The following MYO3A variants were observed in gnomAD, a reference collection of about 807,000 sequenced individuals.
The protein encoded by MYO3A is myosin IIIA, also known as myosin-IIIa.
MYO3A carries 180 observed loss-of-function variants against 192.7 expected under a neutral mutation model. The observed-to-expected ratio is 0.93, with a 90% CI of 0.83 to 1.06. The LOEUF is 1.06. Among genes scored for constraint, MYO3A ranks in the 50% least tolerant of loss-of-function variants. The pLI is 0.00. For synonymous variants in MYO3A, 628 were observed against 645.3 expected (o/e 0.97, Z 0.41); for missense variants, 1,896 against 1,905.0 (o/e 1.00, Z 0.09).
At chr10:26,017,380 A>T (rs1243575194) in intron 7 of MYO3A, among the ~76,000 whole-genome samples, 4 of 152,108 alleles carry the variant, frequency 2.6e-5, no homozygotes, top group Non-Finnish European at 5.9e-5. Context: ...GGTTGCAGAT[A>T]AACTGCTAAA....
At chr10:26,143,687 C>A in intron 21 of MYO3A, 86 bp downstream of exon 21, 1 of 1,521,298 alleles carries the variant, frequency 6.6e-7, no homozygotes, top group Non-Finnish European at 9.1e-7. Flanking sequence ...TTTAAATTAT[C>A]TGGAAGAAAA....
chr10:26,006,261 T>A (rs1326561822), intron 6 of MYO3A, among the ~76,000 whole-genome samples: 1 of 152,088 alleles, frequency 6.6e-6, no homozygotes, highest in East Asian at 1.9e-4. Flanking sequence ...TAGCACTAAA[T>A]GCCCACAAGA....
intron 2 of MYO3A, among the ~76,000 whole-genome samples, chr10:25,941,968 ATTTCT>A (rs897825760): frequency 1.1e-4 from 16 of 143,622 alleles, no homozygotes; most frequent in Admixed American, 2.7e-4. Context: ...GCTGAATAAT[ATTTCT>A]TTTCTTTTCT....
At chr10:26,029,618 T>C (rs1842718728) in intron 10 of MYO3A, among the ~76,000 whole-genome samples, 2 of 152,224 alleles carry the variant, frequency 1.3e-5, no homozygotes. Context: ...TCTTACTTGG[T>C]GAGTGGTTTT....
At chr10:26,171,114 C>T (rs1355153676) in intron 29 of MYO3A, among the ~76,000 whole-genome samples, 1 of 152,134 alleles carries the variant, frequency 6.6e-6, no homozygotes, top group Non-Finnish European at 1.5e-5. Flanking sequence ...AATGTGTTAA[C>T]TCTGCTATAA....
At chr10:26,120,137 C>G (rs907216529) in intron 17 of MYO3A, among the ~76,000 whole-genome samples, 1 of 152,030 alleles carries the variant, frequency 6.6e-6, no homozygotes, top group African/African-American at 2.4e-5. Flanking sequence ...GCACTCCATC[C>G]TGGGCAACAG....
intron 4 of MYO3A, among the ~76,000 whole-genome samples, chr10:25,972,917 A>G (rs1418072549): frequency 6.6e-6 from 1 of 152,122 alleles, no homozygotes; most frequent in Non-Finnish European, 1.5e-5. Context: ...CAGACTCCTT[A>G]CAGGAGTACT....
intron 2 of MYO3A, among the ~76,000 whole-genome samples, chr10:25,946,877 CAAAAAAAAAAAAAAA>C (rs34045169): frequency 1.8e-4 from 9 of 50,138 alleles, no homozygotes; most frequent in Admixed American, 7.0e-4. Flanking sequence ...GACTCCGTCT[CAAAAAAAAAAAAAAA>C]AAAAAAAAAA....
chr10:26,005,655 A>C (rs973381335), intron 6 of MYO3A, among the ~76,000 whole-genome samples: 2 of 152,154 alleles, frequency 1.3e-5, no homozygotes, highest in African/African-American at 4.8e-5. Context: ...TTTCTTGCCA[A>C]CTTTTCTCTA....
At chr10:25,994,822 A>G (rs138839952) in intron 4 of MYO3A, among the ~76,000 whole-genome samples, 5,924 of 152,246 alleles carry the variant, frequency 0.039, 425 homozygotes, top group African/African-American at 0.13. Flanking sequence ...TTCTTTAAGA[A>G]TGTTGAATAT....
At chr10:25,980,053 G>A (rs753439082) in intron 4 of MYO3A, among the ~76,000 whole-genome samples, 1 of 152,066 alleles carries the variant, frequency 6.6e-6, no homozygotes, top group Non-Finnish European at 1.5e-5. Context: ...TGGATAACAC[G>A]GTGAAACCCC....
chr10:26,083,243 G>A (rs773533413), intron 14 of MYO3A, among the ~76,000 whole-genome samples: 2 of 152,220 alleles, frequency 1.3e-5, no homozygotes. Flanking sequence ...TGGGTAACAG[G>A]TGGGTAGCAT....
At chr10:26,180,677 A>T in intron 31 of MYO3A, among the ~76,000 whole-genome samples, 1 of 151,968 alleles carries the variant, frequency 6.6e-6, no homozygotes, top group East Asian at 1.9e-4. Flanking sequence ...TCCTATAAAA[A>T]TTTCTAATAG....
intron 17 of MYO3A, among the ~76,000 whole-genome samples, chr10:26,101,599 C>G (rs1158525142): frequency 1.3e-5 from 2 of 152,176 alleles, no homozygotes; most frequent in African/African-American, 4.8e-5. Context: ...CTGGTGGTGA[C>G]AAAATCTCTC....
chr10:25,947,507 C>T (rs944598539), intron 2 of MYO3A, among the ~76,000 whole-genome samples: 1 of 150,728 alleles, frequency 6.6e-6, no homozygotes, highest in Non-Finnish European at 1.5e-5. Flanking sequence ...GATTCTCCTG[C>T]CTCAGCCTGC....
chr10:26,044,812 C>A (rs1843544278), intron 10 of MYO3A, among the ~76,000 whole-genome samples: 1 of 152,216 alleles, frequency 6.6e-6, no homozygotes, highest in African/African-American at 2.4e-5. Context: ...CTGTTTCACT[C>A]AACCTGTAAA....
At chr10:25,957,934 G>T (rs993125698) in intron 4 of MYO3A, among the ~76,000 whole-genome samples, 1 of 152,020 alleles carries the variant, frequency 6.6e-6, no homozygotes, top group Non-Finnish European at 1.5e-5. Flanking sequence ...TTTTAATGAG[G>T]TTGTTTGTTT....
chr10:26,046,647 A>G (rs1843652742), intron 10 of MYO3A, among the ~76,000 whole-genome samples: 1 of 152,246 alleles, frequency 6.6e-6, no homozygotes, highest in African/African-American at 2.4e-5. Flanking sequence ...ACACAAATAG[A>G]GAACCCAGTA....
At chr10:25,971,350 G>A (rs1040901152) in intron 4 of MYO3A, among the ~76,000 whole-genome samples, 1 of 152,038 alleles carries the variant, frequency 6.6e-6, no homozygotes, top group Non-Finnish European at 1.5e-5. Flanking sequence ...TTATACAATT[G>A]CTTTTTAAAT....
Sources: allele counts gnomAD v4.1 joint callset (sites outside exome capture counted in the v4.1 genomes callset), GRCh38; gene constraint gnomAD v4.1.1; transcripts MANE v1.5; gene names NCBI Gene and HGNC (gene_info 2026-07-23, HGNC 2026-07-21).